PIP4K2A: variants seen among roughly 807,000 people sequenced by gnomAD.
PIP4K2A encodes phosphatidylinositol 5-phosphate 4-kinase type-2 alpha.
Under a neutral mutation model 42.9 loss-of-function variants are expected in PIP4K2A, and 14 were observed. That is an observed-to-expected ratio of 0.33 (90% CI 0.22 to 0.51). PIP4K2A has a LOEUF of 0.51. Among genes scored for constraint, PIP4K2A ranks in the 20% least tolerant of loss-of-function variants. The pLI is 0.97. For synonymous variants in PIP4K2A, 192 were observed against 192.2 expected (o/e 1.00, Z 0.01); for missense variants, 434 against 519.8 (o/e 0.83, Z 1.61).
At position 22,608,017 on chromosome 10, in the gene PIP4K2A, G is replaced by A. The variant is rs748699785; in HGVS notation, c.249C>T (p.Asn83=). ...KVDNHLFNKE[N]MPSHFKFKEY... is the part of the protein sequence containing the mutation. ...CCTTAAACTTGAAATGGCTCGGCAT[G>A]TTTTCTCTGAAACAGTCACAGCGTG... is the stretch of plus-strand genomic sequence containing the variant. The change falls in exon 3 of 10, where the codon AAC becomes AAT. Residue 83 remains asparagine (N), a synonymous_variant. Coordinates refer to ENST00000376573, the MANE Select transcript of PIP4K2A (RefSeq NM_005028.5). 1.2e-6 allele frequency: 2 copies of A among 1,605,468 alleles called. No homozygotes were observed. The highest frequency in any genetic ancestry group is 3.3e-5 in the Admixed American group (2 of 59,928).
intron 7 of PIP4K2A, among the ~76,000 whole-genome samples, chr10:22,547,778 C>T (rs1610340): frequency 0.91 from 138,126 of 152,216 alleles, 62,899 homozygotes; most frequent in East Asian, 1. Flanking sequence ...GCAAAAGTGC[C>T]TGTCACTCCT....
chr10:22,652,122 AT>A (rs35572224), intron 1 of PIP4K2A, among the ~76,000 whole-genome samples: 103 of 147,274 alleles, frequency 7.0e-4, no homozygotes, highest in Admixed American at 8.1e-4. Flanking sequence ...CTGCACACAA[AT>A]TTTTTTTTTT....
At chr10:22,544,921 G>T (rs1036484733) in intron 7 of PIP4K2A, among the ~76,000 whole-genome samples, 4 of 152,166 alleles carry the variant, frequency 2.6e-5, no homozygotes, top group African/African-American at 7.2e-5. Flanking sequence ...CCCAGAGTCT[G>T]GGTGTTTAGG....
intron 1 of PIP4K2A, among the ~76,000 whole-genome samples, chr10:22,686,658 C>G (rs984385187): frequency 6.6e-6 from 1 of 151,986 alleles, no homozygotes; most frequent in Non-Finnish European, 1.5e-5. Context: ...TTAGTAGAAA[C>G]GAGGTCTTGC....
At chr10:22,548,883 CA>C (rs11308958) in intron 7 of PIP4K2A, among the ~76,000 whole-genome samples, 99,751 of 146,886 alleles carry the variant, frequency 0.68, 33,808 homozygotes, top group African/African-American at 0.78. Context: ...CTAGTCTCTA[CA>C]AAAAAAAAAA....
At chr10:22,702,085 T>C (rs1468793043) in intron 1 of PIP4K2A, among the ~76,000 whole-genome samples, 1 of 152,236 alleles carries the variant, frequency 6.6e-6, no homozygotes, top group Non-Finnish European at 1.5e-5. Context: ...CCTAGCCATG[T>C]GGCAAAAACA....
chr10:22,624,409 G>A (rs1838393431), intron 1 of PIP4K2A, among the ~76,000 whole-genome samples: 1 of 152,200 alleles, frequency 6.6e-6, no homozygotes, highest in Non-Finnish European at 1.5e-5. Flanking sequence ...TCAAGGATTA[G>A]AATAAATTAC....
chr10:22,606,901 G>C (rs541094089), intron 3 of PIP4K2A, among the ~76,000 whole-genome samples: 2 of 152,102 alleles, frequency 1.3e-5, no homozygotes, highest in African/African-American at 4.8e-5. Context: ...GAGATATCTT[G>C]GGGATGGGAC....
In PIP4K2A at chr10:22,542,163, G is replaced by A; in HGVS notation, c.793-116C>T. 3.7e-6 allele frequency: 3 copies of A among 815,454 alleles called. No homozygotes were observed. In the East Asian group the frequency reaches 7.4e-5, roughly 20 times the overall value. 50.5% of individuals were successfully genotyped at this position (815,454 alleles called of 1,614,324 possible). A position where few individuals can be genotyped will look rare whatever the true frequency, so the allele number is the denominator to read the frequency against. On this transcript the variant is annotated intron_variant, in intron 7 of 9. Transcript: ENST00000376573. Reference sequence around the variant, plus strand: ...AAGGCTGTGGGGTGGGGCAGCAGAGGCGCCGGGTGCCTCCTTCACGATGCT... The same window carrying A: ...AAGGCTGTGGGGTGGGGCAGCAGAGACGCCGGGTGCCTCCTTCACGATGCT...
At chr10:22,550,986 A>C (rs1415433880) in intron 6 of PIP4K2A, among the ~76,000 whole-genome samples, 2 of 152,162 alleles carry the variant, frequency 1.3e-5, no homozygotes, top group East Asian at 1.9e-4. Context: ...CATTCGCAAG[A>C]GCAGTGGGGT....
intron 3 of PIP4K2A, among the ~76,000 whole-genome samples, chr10:22,592,669 C>A (rs937907580): frequency 2.6e-4 from 40 of 152,182 alleles, no homozygotes; most frequent in Non-Finnish European, 4.1e-4. Flanking sequence ...TGTGACTCTT[C>A]CGTTCAGATC....
At chr10:22,693,656 T>G (rs1839916411) in intron 1 of PIP4K2A, among the ~76,000 whole-genome samples, 1 of 152,194 alleles carries the variant, frequency 6.6e-6, no homozygotes, top group African/African-American at 2.4e-5. Context: ...AGTTCCCATC[T>G]GGGGAGCTTA....
In PIP4K2A at chr10:22,604,856, G is replaced by A. The variant is rs74792241; in HGVS notation, c.339+3071C>T. Among the ~76,000 whole-genome samples the A allele has an allele frequency of 8.2e-3, 1,251 of 152,274 alleles. 14 individuals are homozygous for A. The highest frequency in any genetic ancestry group is 0.028 in the African/African-American group (1,171 of 41,538). On this transcript the variant is annotated intron_variant, in intron 3 of 9. Coordinates refer to ENST00000376573, the MANE Select transcript of PIP4K2A (RefSeq NM_005028.5). ...GTTACTTGAACTGGGCATGAGGATT[G>A]AACTGTCTGGGCAGTAACAATGTGC...
intron 1 of PIP4K2A, among the ~76,000 whole-genome samples, chr10:22,633,146 CA>C (rs1838586406): frequency 1.3e-5 from 2 of 152,230 alleles, no homozygotes; most frequent in Admixed American, 6.5e-5. Flanking sequence ...CTCAAGGTCA[CA>C]GAGACCTTTG....
At chr10:22,638,383 C>G (rs1176344474) in intron 1 of PIP4K2A, among the ~76,000 whole-genome samples, 1 of 152,168 alleles carries the variant, frequency 6.6e-6, no homozygotes, top group Non-Finnish European at 1.5e-5. Context: ...TTTGGTTAAT[C>G]TGACCTCAAT....
At chr10:22,672,465 T>C (rs1839474897) in intron 1 of PIP4K2A, among the ~76,000 whole-genome samples, 1 of 152,244 alleles carries the variant, frequency 6.6e-6, no homozygotes, top group South Asian at 2.1e-4. Flanking sequence ...GATATGTGCA[T>C]ATTTCTTGCT....
chr10:22,664,312 A>T (rs545361661), intron 1 of PIP4K2A, among the ~76,000 whole-genome samples: 1 of 147,868 alleles, frequency 6.8e-6, no homozygotes, highest in South Asian at 2.1e-4. Context: ...CTATTAAATT[A>T]CATTCTCATC....
At chr10:22,578,678 C>T (rs1229640530) in intron 4 of PIP4K2A, among the ~76,000 whole-genome samples, 1 of 151,096 alleles carries the variant, frequency 6.6e-6, no homozygotes, top group Non-Finnish European at 1.5e-5. Flanking sequence ...CTCGATAACC[C>T]CCAAACTTAT....
intron 3 of PIP4K2A, among the ~76,000 whole-genome samples, chr10:22,600,513 C>T (rs1407203854): frequency 1.3e-5 from 2 of 152,158 alleles, no homozygotes; most frequent in Non-Finnish European, 2.9e-5. Context: ...GTCACAGCAT[C>T]AGTCACTGAA....
Sources: gnomAD v4.1 joint callset for allele counts (sites outside exome capture counted in the v4.1 genomes callset) on GRCh38, gnomAD v4.1.1 for gene constraint, MANE v1.5 for transcripts, NCBI Gene and HGNC (gene_info 2026-07-23, HGNC 2026-07-21) for gene names.